PHACTR3: variants seen among roughly 807,000 people sequenced by gnomAD.
PHACTR3 encodes the protein phosphatase and actin regulator 3.
PHACTR3 carries 16 observed loss-of-function variants against 66.8 expected under a neutral mutation model. The observed-to-expected ratio is 0.24, with a 90% CI of 0.16 to 0.36. PHACTR3 has a LOEUF of 0.36. Among genes scored for constraint, PHACTR3 ranks in the 10% least tolerant of loss-of-function variants. The pLI is 1.00. For missense variants in PHACTR3, 647 were observed against 719.9 expected (o/e 0.90, Z 1.16); for synonymous variants, 323 against 292.1 (o/e 1.11, Z -1.08).
chr20:59,666,193 G>A (rs1004159484), intron 1 of PHACTR3, among the ~76,000 whole-genome samples: 5 of 152,168 alleles, frequency 3.3e-5, no homozygotes, highest in African/African-American at 1.2e-4. Flanking sequence ...ATGCTGGTGT[G>A]TGAAGGCACC....
At chr20:59,581,893 A>T (rs2032872581) in intron 1 of PHACTR3, among the ~76,000 whole-genome samples, 1 of 152,174 alleles carries the variant, frequency 6.6e-6, no homozygotes, top group African/African-American at 2.4e-5. Flanking sequence ...AAAAAAAAAA[A>T]AAAGTCCTAG....
chr20:59,757,251 A>G lies in PHACTR3; in HGVS notation c.541+1887A>G, dbSNP rs146008186. Among the ~76,000 whole-genome samples, 1,050 of 152,280 alleles carry G rather than the reference A, an allele frequency of 6.9e-3. 5 individuals carry two copies. Among genetic ancestry groups the G allele is most frequent in the Middle Eastern group, 0.024 (7 of 294 alleles). On this transcript the variant is annotated intron_variant, in intron 4 of 12. Coordinates refer to ENST00000371015, the MANE Select transcript of PHACTR3 (RefSeq NM_080672.5). ...GCTTCTCCTTGGCAGTGATTTCTGT[A>G]GCTCAGCTCAGGGCCTGTGCCTGCT...
At position 59,604,915 on chromosome 20, in the gene PHACTR3, A is replaced by T; in HGVS notation, c.-100A>T. On this transcript the variant is annotated 5_prime_UTR_variant, in exon 1 of 13. Coordinates refer to ENST00000371015, the MANE Select transcript of PHACTR3 (RefSeq NM_080672.5). ...TTTTTTTTTTAATTTTCTTTTTTAA[A>T]AAGACGCCCCCTCCAGCCCCCTCGC... 8.4e-7 allele frequency: 1 copy of T among 1,191,674 alleles called. No homozygotes were observed. Among genetic ancestry groups the T allele is most frequent in the African/African-American group, 1.6e-5 (1 of 61,096 alleles). 73.8% of individuals were successfully genotyped at this position (1,191,674 alleles called of 1,614,324 possible).
At chr20:59,614,770 C>G (rs778347656) in intron 1 of PHACTR3, among the ~76,000 whole-genome samples, 2 of 152,072 alleles carry the variant, frequency 1.3e-5, no homozygotes, top group Non-Finnish European at 2.9e-5. Flanking sequence ...AAAATTGTTG[C>G]CTTATTGTAA....
chr20:59,775,763 C>T (rs1601328769), intron 7 of PHACTR3, among the ~76,000 whole-genome samples: 1 of 152,176 alleles, frequency 6.6e-6, no homozygotes, highest in African/African-American at 2.4e-5. Context: ...CCTTAAACAC[C>T]TGTGAGCCTC....
chr20:59,840,739 T>A (rs1038004722), intron 10 of PHACTR3, among the ~76,000 whole-genome samples: 25 of 152,208 alleles, frequency 1.6e-4, no homozygotes, highest in African/African-American at 6.0e-4. Context: ...ATTTACAGTG[T>A]CTAGGAAAAG....
At chr20:59,819,397 T>C (rs1417342438) in intron 8 of PHACTR3, among the ~76,000 whole-genome samples, 2 of 152,068 alleles carry the variant, frequency 1.3e-5, no homozygotes, top group Non-Finnish European at 2.9e-5. Flanking sequence ...CTAGGCATGG[T>C]GGTGCACACC....
At chr20:59,677,070 G>A (rs1333097841) in intron 1 of PHACTR3, among the ~76,000 whole-genome samples, 1 of 151,908 alleles carries the variant, frequency 6.6e-6, no homozygotes, top group East Asian at 1.9e-4. Flanking sequence ...GCATGTGAAT[G>A]GTATTTTAAC....
intron 8 of PHACTR3, among the ~76,000 whole-genome samples, chr20:59,823,176 G>C (rs1209344870): frequency 6.6e-6 from 1 of 152,184 alleles, no homozygotes; most frequent in South Asian, 2.1e-4. Flanking sequence ...TATATACATG[G>C]TAAAAAATAA....
Position 59,622,981 on chromosome 20 carries a change from C to CAAAAAAAAAAAAAAAAAATAAAAAAAAAA in PHACTR3, c.118+17867_118+17868insTAAAAAAAAAAAAAAAAAAAAAAAAAAAA, listed in dbSNP as rs2034301454. Among the ~76,000 whole-genome samples the CAAAAAAAAAAAAAAAAAATAAAAAAAAAA allele has an allele frequency of 6.2e-5, 2 of 32,216 alleles. 1 individual carries two copies. Among genetic ancestry groups the CAAAAAAAAAAAAAAAAAATAAAAAAAAAA allele is most frequent in the Non-Finnish European group, 1.1e-4 (2 of 18,182 alleles). 21.1% of individuals were successfully genotyped at this position (32,216 alleles called of 152,430 possible). A position where few individuals can be genotyped will look rare whatever the true frequency, so the allele number is the denominator to read the frequency against. Reference sequence around the variant, plus strand: ...ATTCTAATTTTACAGCAGCTTTAACCAAAAAAAAAAAAAAAAAAAACCCAA... The same window carrying CAAAAAAAAAAAAAAAAAATAAAAAAAAAA: ...ATTCTAATTTTACAGCAGCTTTAACCAAAAAAAAAAAAAAAAAATAAAAAAAAAAAAAAAAAAAAAAAAAAAAAACCCAA... On this transcript the variant is annotated intron_variant, in intron 1 of 12. Transcript: ENST00000371015.
intron 8 of PHACTR3, among the ~76,000 whole-genome samples, chr20:59,809,658 G>T (rs921657521): frequency 1.3e-5 from 2 of 151,966 alleles, no homozygotes; most frequent in Non-Finnish European, 2.9e-5. Flanking sequence ...GATTTTTAAG[G>T]CTGTCAGATT....
rs534600901 is a variant in PHACTR3, at chr20:59,605,013, C to T, written c.-2C>T. ...TAACTTGCCCCCGCGCCGGCCGGGC[C>T]CATGGCCGCGTCGGAGGACGGGAGC... is the stretch of plus-strand genomic sequence containing the variant. On this transcript the variant is annotated 5_prime_UTR_variant, in exon 1 of 13. Coordinates refer to ENST00000371015, the MANE Select transcript of PHACTR3 (RefSeq NM_080672.5). The T allele has an allele frequency of 2.8e-4, 378 of 1,327,886 alleles. 1 individual carries two copies. The African/African-American group carries it at 5.1e-3, about 18-fold the overall frequency. The allele number at this position is 1,327,886 out of a possible 1,614,324, so 82.3% of individuals were successfully genotyped here. A position where few individuals can be genotyped will look rare whatever the true frequency, so the allele number is the denominator to read the frequency against.
intron 7 of PHACTR3, among the ~76,000 whole-genome samples, chr20:59,785,437 G>A (rs895149070): frequency 1.3e-5 from 2 of 152,236 alleles, no homozygotes; most frequent in African/African-American, 2.4e-5. Context: ...TTCTGGGGCA[G>A]AGCGGTGGTA....
intron 8 of PHACTR3, among the ~76,000 whole-genome samples, chr20:59,813,957 T>C (rs1464015823): frequency 6.6e-6 from 1 of 152,236 alleles, no homozygotes; most frequent in African/African-American, 2.4e-5. Context: ...CCACAGCTGC[T>C]GAAAGTGCCG....
intron 7 of PHACTR3, among the ~76,000 whole-genome samples, chr20:59,794,477 G>A (rs888666994): frequency 6.6e-6 from 1 of 152,046 alleles, no homozygotes; most frequent in Non-Finnish European, 1.5e-5. Flanking sequence ...TTATATCTAT[G>A]TTCATCAGGG....
intron 8 of PHACTR3, among the ~76,000 whole-genome samples, chr20:59,808,986 C>A (rs2041654737): frequency 6.6e-6 from 1 of 152,196 alleles, no homozygotes; most frequent in Admixed American, 6.5e-5. Context: ...CGCCCAACGT[C>A]CCCTGAGGTC....
chr20:59,642,091 C>T (rs1961911885), intron 1 of PHACTR3, among the ~76,000 whole-genome samples: 1 of 152,038 alleles, frequency 6.6e-6, no homozygotes, highest in African/African-American at 2.4e-5. Context: ...TTTGTAGTGG[C>T]ATGGCCCGTG....
Position 59,847,123 on chromosome 20 carries a change from G to T in PHACTR3, c.1673G>T (p.Arg558Met). 1 of 1,521,158 alleles carries T rather than the reference G, an allele frequency of 6.6e-7. No homozygotes were observed. The highest frequency in any genetic ancestry group is 9.1e-7 in the Non-Finnish European group (1 of 1,102,198). The allele number at this position is 1,521,158 out of a possible 1,614,324, so 94.2% of individuals were successfully genotyped here. Residue 558 changes from arginine (R) to methionine (M), a missense_variant, in exon 13 of 13, where the codon AGG becomes ATG. Coordinates refer to ENST00000371015, the MANE Select transcript of PHACTR3 (RefSeq NM_080672.5). ...TTTTTTATAATCTCTAGATTCCACA[G>T]GCCATAGAGATTTTCTTCTGAGAAG... Reference protein sequence around the residue: ...ASSKHLTRFHRP With the variant: ...ASSKHLTRFHMP
intron 1 of PHACTR3, among the ~76,000 whole-genome samples, chr20:59,632,996 C>T (rs1212680431): frequency 6.6e-6 from 1 of 152,084 alleles, no homozygotes; most frequent in Non-Finnish European, 1.5e-5. Context: ...CACTTCCGTC[C>T]CCCACCTTGA....
Sources: gnomAD v4.1 joint callset for allele counts (sites outside exome capture counted in the v4.1 genomes callset) on GRCh38, gnomAD v4.1.1 for gene constraint, MANE v1.5 for transcripts, NCBI Gene and HGNC (gene_info 2026-07-23, HGNC 2026-07-21) for gene names.